The following CHRNA7 variants were observed in gnomAD, a reference collection of about 807,000 sequenced individuals.
The protein encoded by CHRNA7 is cholinergic receptor nicotinic alpha 7 subunit.
A neutral mutation model predicts 48.0 loss-of-function variants in CHRNA7; 17 were observed. The ratio of observed to expected loss-of-function variants is 0.35; its 90% CI spans 0.24 to 0.53. The LOEUF (loss-of-function observed/expected upper bound fraction) is 0.53. Ranked by LOEUF, CHRNA7 falls within the 20% of genes least tolerant of loss-of-function variation. The pLI, the probability that CHRNA7 is intolerant of heterozygous loss-of-function variation, is 0.92. For synonymous variants in CHRNA7, 75 were observed against 242.3 expected (o/e 0.31, Z 6.41); for missense variants, 155 against 577.7 (o/e 0.27, Z 7.50).
intron 2 of CHRNA7, among the ~76,000 whole-genome samples, chr15:32,044,076 C>A (rs150618726): frequency 2.0e-4 from 30 of 152,200 alleles, no homozygotes; most frequent in African/African-American, 7.2e-4. Flanking sequence ...TTCTTGTTTT[C>A]TTTGGTCACT....
At chr15:32,111,205 C>G (rs1410434598) in intron 3 of CHRNA7, 1 of 152,306 alleles carries the variant, frequency 6.6e-6, no homozygotes, top group Non-Finnish European at 1.5e-5. Flanking sequence ...CTTCACCTGC[C>G]TCCTTTCGTC....
In CHRNA7 at chr15:32,170,213, A is replaced by G. The variant is rs547021031; in HGVS notation, c.*1755A>G. 30 of 116,872 alleles carry G rather than the reference A, an allele frequency of 2.6e-4. No homozygotes were observed. The South Asian group carries it at 5.4e-3, about 21-fold the overall frequency. The allele number at this position is 116,872 out of a possible 1,614,324, so 7.2% of individuals were successfully genotyped here. ...GCTCACTCATTTCTGGGTAATGCACATGACTTTGTTTGCACTGGAGGAAGA... is the reference window on the plus strand; with the variant it reads ...GCTCACTCATTTCTGGGTAATGCACGTGACTTTGTTTGCACTGGAGGAAGA... On this transcript the variant is annotated 3_prime_UTR_variant, in exon 10 of 10. Coordinates refer to ENST00000306901, the MANE Select transcript of CHRNA7 (RefSeq NM_000746.6).
chr15:32,076,381 A>G (rs2050136193), intron 2 of CHRNA7, among the ~76,000 whole-genome samples: 2 of 152,134 alleles, frequency 1.3e-5, no homozygotes, highest in Admixed American at 1.3e-4. Context: ...TTTTCTTGGC[A>G]GATTGGCCTG....
rs375608887 is a variant in CHRNA7 at position 32,149,390 on chromosome 15, G to A, written c.351-4517G>A. On this transcript the variant is annotated intron_variant, in intron 4 of 9. Coordinates refer to ENST00000306901, the MANE Select transcript of CHRNA7 (RefSeq NM_000746.6). The surrounding 1 kb of genome is among the most constrained non-coding windows in gnomAD (Gnocchi z 4.6). ...CCCGGGGAAGCTGCGCCGGTGCTGT[G>A]GCCACTGAGGTCCTCATAGGGGTTC... Among the ~76,000 whole-genome samples the A allele has an allele frequency of 9.7e-4, 147 of 152,192 alleles. No individual in the cohort carries two copies. The South Asian group carries it at 0.011, about 11-fold the overall frequency.
intron 4 of CHRNA7, among the ~76,000 whole-genome samples, chr15:32,131,039 T>G (rs1206071544): frequency 6.6e-6 from 1 of 152,166 alleles, no homozygotes; most frequent in Non-Finnish European, 1.5e-5. Flanking sequence ...GTCATTTAAA[T>G]TTGTTGTTGT....
intron 4 of CHRNA7, among the ~76,000 whole-genome samples, chr15:32,122,074 C>T (rs947464504): frequency 6.6e-6 from 1 of 152,182 alleles, no homozygotes; most frequent in African/African-American, 2.4e-5. Flanking sequence ...TGTTTTTCCC[C>T]ACTGTCCAGT....
At chr15:32,123,126 G>A (rs770946299) in intron 4 of CHRNA7, among the ~76,000 whole-genome samples, 10 of 152,150 alleles carry the variant, frequency 6.6e-5, no homozygotes, top group African/African-American at 2.4e-4. Flanking sequence ...ATCAGCACTC[G>A]TGAGTGATGG....
intron 4 of CHRNA7, among the ~76,000 whole-genome samples, chr15:32,150,186 G>C (rs1477867312): frequency 6.6e-6 from 1 of 152,132 alleles, no homozygotes. Flanking sequence ...TGAGTAGCTG[G>C]AAACATAAGC....
At chr15:32,078,892 A>AAAACCCTCAATAAAAT (rs1448093259) in intron 2 of CHRNA7, among the ~76,000 whole-genome samples, 1 of 152,186 alleles carries the variant, frequency 6.6e-6, no homozygotes, top group Non-Finnish European at 1.5e-5. Flanking sequence ...CTTCGATGCA[A>AAAACCCTCAATAAAAT]AAACCCTCAA....
intron 3 of CHRNA7, chr15:32,101,961 T>C (rs901965185): frequency 6.6e-6 from 1 of 152,210 alleles, no homozygotes; most frequent in African/African-American, 2.4e-5. Context: ...ACCATAATAA[T>C]TTGGTGCCCA....
Position 32,101,316 on chromosome 15 carries a change from A to C in CHRNA7, c.209A>C (p.Gln70Pro). 6.3e-7 allele frequency: 1 copy of C among 1,586,860 alleles called. No individual in the cohort carries two copies. Among genetic ancestry groups the C allele is most frequent in the Non-Finnish European group, 8.5e-7 (1 of 1,171,188 alleles). ...LQIMDVDEKN[Q>P]VLTTNIWLQM... ...TTTTTTTTGAAGGATGAGAAGAACC[A>C]AGTTTTAACCACCAACATTTGGCTG... The change falls in exon 3 of 10, where the codon CAA (glutamine) becomes CCA (proline). Residue 70 changes from glutamine (Q) to proline (P), a missense_variant. Gln to Pro is a moderately conservative substitution (Grantham distance 76, BLOSUM62 -1). Transcript: ENST00000306901.
chr15:32,112,370 G>C (rs528059643), intron 4 of CHRNA7: 3 of 456,954 alleles, frequency 6.6e-6, no homozygotes, highest in Non-Finnish European at 1.3e-5. Flanking sequence ...GCAGGTGAGC[G>C]TGAGGACTGT....
At chr15:32,109,011 G>A (rs552532196) in intron 3 of CHRNA7, among the ~76,000 whole-genome samples, 23 of 152,072 alleles carry the variant, frequency 1.5e-4, no homozygotes, top group Non-Finnish European at 1.9e-4. Flanking sequence ...CCTGAAAAGG[G>A]TTCCGATCCA....
chr15:32,070,888 C>T lies in CHRNA7; in HGVS notation c.196-30415C>T, dbSNP rs190201373. Among the ~76,000 whole-genome samples, 70 of 151,786 alleles carry T rather than the reference C, an allele frequency of 4.6e-4. No homozygotes were observed. The East Asian group carries it at 9.5e-3, about 21-fold the overall frequency. On this transcript the variant is annotated intron_variant, in intron 2 of 9. Coordinates refer to ENST00000306901, the MANE Select transcript of CHRNA7 (RefSeq NM_000746.6). Reference sequence around the variant, plus strand: ...ATTTTTAGTAGAGATAGGGTTTCACCGTGTTAGCCAGGATGGTCTTGATCT... The same window carrying T: ...ATTTTTAGTAGAGATAGGGTTTCACTGTGTTAGCCAGGATGGTCTTGATCT...
chr15:32,044,410 T>G (rs1199885073), intron 2 of CHRNA7, among the ~76,000 whole-genome samples: 1 of 152,152 alleles, frequency 6.6e-6, no homozygotes, highest in Non-Finnish European at 1.5e-5. Flanking sequence ...CCCGAGTAGC[T>G]GGAACTACAG....
chr15:32,040,109 A>G (rs2049420274), intron 2 of CHRNA7, among the ~76,000 whole-genome samples: 1 of 152,038 alleles, frequency 6.6e-6, no homozygotes, highest in Non-Finnish European at 1.5e-5. Flanking sequence ...ATTTTTCTCC[A>G]TCCATAAGAC....
At chr15:32,154,792 TCA>T (rs538062653) in intron 5 of CHRNA7, among the ~76,000 whole-genome samples, 13 of 139,426 alleles carry the variant, frequency 9.3e-5, no homozygotes, top group Non-Finnish European at 1.5e-4. Context: ...CACATACGAC[TCA>T]CACACACACC....
intron 4 of CHRNA7, among the ~76,000 whole-genome samples, chr15:32,115,598 C>T (rs932953819): frequency 8.6e-5 from 13 of 151,938 alleles, no homozygotes; most frequent in East Asian, 7.8e-4. Context: ...TCTTGCGGGG[C>T]GAGGAATGCC....
At chr15:32,107,171 T>A (rs980530734) in intron 3 of CHRNA7, among the ~76,000 whole-genome samples, 4 of 152,164 alleles carry the variant, frequency 2.6e-5, no homozygotes, top group Non-Finnish European at 5.9e-5. Context: ...CAACCAATTT[T>A]CCACCAGCAA....
Sources: gnomAD v4.1 joint callset for allele counts (sites outside exome capture counted in the v4.1 genomes callset) on GRCh38, gnomAD v4.1.1 for gene constraint, Gnocchi (gnomAD v3.1) non-coding constraint, MANE v1.5 for transcripts, NCBI Gene and HGNC (gene_info 2026-07-23, HGNC 2026-07-21) for gene names.